The following CNTNAP5 variants were observed in gnomAD, a reference collection of about 807,000 sequenced individuals.
CNTNAP5 encodes contactin-associated protein-like 5.
Under a neutral mutation model 150.2 loss-of-function variants are expected in CNTNAP5, and 72 were observed. That is an observed-to-expected ratio of 0.48 (90% CI 0.40 to 0.58). The LOEUF (loss-of-function observed/expected upper bound fraction) is 0.58, where lower values mean the gene tolerates loss of function less well. CNTNAP5 is among the 20% of genes least tolerant of loss of function. CNTNAP5 has a pLI of 0.00. For synonymous variants in CNTNAP5, 672 were observed against 619.8 expected (o/e 1.08, Z -1.25); for missense variants, 1,636 against 1,626.2 (o/e 1.01, Z -0.10).
chr2:124,382,373 A>G (rs142498752), intron 3 of CNTNAP5, among the ~76,000 whole-genome samples: 109 of 152,250 alleles, frequency 7.2e-4, no homozygotes, highest in Non-Finnish European at 1.4e-3. Flanking sequence ...TGAGGAAGAA[A>G]TATTGGAGAT....
rs138904901 is a variant in CNTNAP5 at position 124,897,326 on chromosome 2, C to G, written c.3437-5556C>G. ...CTCCCTCTACTATAAGATTTATTGC[C>G]TGAAATCTTTGCTGGTCTGCTAAAT... On this transcript the variant is annotated intron_variant, in intron 21 of 23. Transcript: ENST00000682447. Among the ~76,000 whole-genome samples the G allele has an allele frequency of 1.5e-4, 23 of 151,544 alleles. 1 individual carries two copies. Among genetic ancestry groups the G allele is most frequent in the African/African-American group, 5.4e-4 (22 of 40,938 alleles).
intron 1 of CNTNAP5, among the ~76,000 whole-genome samples, chr2:124,199,987 C>T (rs903016779): frequency 1.3e-5 from 2 of 152,114 alleles, no homozygotes; most frequent in Non-Finnish European, 2.9e-5. Flanking sequence ...ACTTTGCTGG[C>T]TCGGACCTCA....
intron 1 of CNTNAP5, among the ~76,000 whole-genome samples, chr2:124,157,133 T>C (rs1183756921): frequency 6.6e-6 from 1 of 151,834 alleles, no homozygotes; most frequent in East Asian, 1.9e-4. Flanking sequence ...TTAAAGTCTT[T>C]GAGGATTCTT....
At chr2:124,395,617 T>C (rs905347689) in intron 3 of CNTNAP5, among the ~76,000 whole-genome samples, 2 of 152,302 alleles carry the variant, frequency 1.3e-5, no homozygotes, top group East Asian at 3.9e-4. Flanking sequence ...TTAACACTTA[T>C]ATAGGTCACA....
At chr2:124,330,008 T>C (rs1353077526) in intron 3 of CNTNAP5, among the ~76,000 whole-genome samples, 1 of 152,186 alleles carries the variant, frequency 6.6e-6, no homozygotes, top group African/African-American at 2.4e-5. Context: ...TATCAGATGT[T>C]CCTGTGAACT....
intron 11 of CNTNAP5, among the ~76,000 whole-genome samples, chr2:124,602,685 A>C (rs896909859): frequency 5.9e-5 from 9 of 152,040 alleles, no homozygotes; most frequent in South Asian, 2.1e-4. Context: ...AAAAACGGGG[A>C]TCTAACTATG....
chr2:124,901,142 C>A (rs973029191), intron 21 of CNTNAP5, among the ~76,000 whole-genome samples: 2 of 151,534 alleles, frequency 1.3e-5, no homozygotes, highest in Non-Finnish European at 2.9e-5. Flanking sequence ...AGTGACACTT[C>A]ACATTATTAT....
chr2:124,914,904 T>C lies in CNTNAP5; in HGVS notation c.*616T>C, dbSNP rs1273017771. 2 of 152,072 alleles carry C rather than the reference T, an allele frequency of 1.3e-5. No individual in the cohort carries two copies. Among genetic ancestry groups the C allele is most frequent in the African/African-American group, 4.8e-5 (2 of 41,394 alleles). 9.4% of individuals were successfully genotyped at this position (152,072 alleles called of 1,614,324 possible). ...TGAGTATTTTCAAATATATGATTGC[T>C]GATAGTAGTGACCAAAACTACTTTG... On this transcript the variant is annotated 3_prime_UTR_variant, in exon 24 of 24. Coordinates refer to ENST00000682447, the MANE Select transcript of CNTNAP5 (RefSeq NM_001367498.1).
In CNTNAP5 at chr2:124,883,178, C is replaced by T. The variant is rs573184853; in HGVS notation, c.3436+13416C>T. Among the ~76,000 whole-genome samples, 6 of 151,680 alleles carry T rather than the reference C, an allele frequency of 4.0e-5. No homozygotes were observed. The Middle Eastern group carries it at 0.014, about 344-fold the overall frequency. The stretch of plus-strand genomic sequence containing the variant: ...CCAGGCTTAAGCAGTCCTCCCACCT[C>T]AGCCTCTCAAGTAGCTGGGAAGACA... On this transcript the variant is annotated intron_variant, in intron 21 of 23. Transcript: ENST00000682447.
In CNTNAP5 at chr2:124,314,037, C is replaced by G. The variant is rs367945637; in HGVS notation, c.381+71644C>G. On this transcript the variant is annotated intron_variant, in intron 3 of 23. Transcript: ENST00000682447. ...TCAAAGTAGCTTTTGATGTGTTGGCCCAACGGGTCTTTTCAGAAATACCGT... is the reference window on the plus strand; with the variant it reads ...TCAAAGTAGCTTTTGATGTGTTGGCGCAACGGGTCTTTTCAGAAATACCGT... Among the ~76,000 whole-genome samples the G allele has an allele frequency of 2.6e-5, 4 of 152,134 alleles. No individual in the cohort carries two copies. In the East Asian group the frequency reaches 7.7e-4, roughly 29 times the overall value.
intron 11 of CNTNAP5, among the ~76,000 whole-genome samples, chr2:124,585,350 T>G (rs968004692): frequency 6.6e-6 from 1 of 152,162 alleles, no homozygotes; most frequent in African/African-American, 2.4e-5. Flanking sequence ...TAAACTACCC[T>G]TAGTTCAGAA....
At chr2:124,678,892 T>A (rs546353866) in intron 13 of CNTNAP5, among the ~76,000 whole-genome samples, 2 of 152,086 alleles carry the variant, frequency 1.3e-5, no homozygotes, top group South Asian at 2.1e-4. Context: ...TGCATCCTTG[T>A]GGCTTAGCAC....
intron 11 of CNTNAP5, among the ~76,000 whole-genome samples, chr2:124,600,916 A>G (rs535858539): frequency 1.9e-3 from 296 of 152,328 alleles, no homozygotes; most frequent in Non-Finnish European, 2.7e-3. Flanking sequence ...AATCCAAGAA[A>G]CAAACAAATC....
intron 1 of CNTNAP5, among the ~76,000 whole-genome samples, chr2:124,155,196 G>A (rs1326677995): frequency 6.7e-6 from 1 of 148,838 alleles, no homozygotes; most frequent in Non-Finnish European, 1.5e-5. Context: ...TTGGAAAAAT[G>A]CAAAATGAGT....
chr2:124,172,863 T>A (rs1402216977), intron 1 of CNTNAP5, among the ~76,000 whole-genome samples: 1 of 152,120 alleles, frequency 6.6e-6, no homozygotes, highest in Non-Finnish European at 1.5e-5. Flanking sequence ...GCACCTCACT[T>A]TTTTGCACTC....
intron 8 of CNTNAP5, among the ~76,000 whole-genome samples, chr2:124,509,765 C>T (rs532222060): frequency 2.8e-4 from 43 of 152,250 alleles, no homozygotes; most frequent in African/African-American, 9.9e-4. Flanking sequence ...AGATAATCTA[C>T]AGAAGACTCT....
Position 124,084,924 on chromosome 2 carries a change from G to GTTTTTTTTTTTTTTTTTTT in CNTNAP5, c.82+59207_82+59208insTTTTTTTTTTTTTTTTTTT. On this transcript the variant is annotated intron_variant, in intron 1 of 23. Transcript: ENST00000682447. ...TAAAAATTATGAATTCAAGTTTCCT[G>GTTTTTTTTTTTTTTTTTTT]TTTTTTTTTTTTTTTGAGACGGAGT... Among the ~76,000 whole-genome samples the GTTTTTTTTTTTTTTTTTTT allele has an allele frequency of 1.1e-3, 103 of 89,990 alleles. 11 individuals carry two copies. Among genetic ancestry groups the GTTTTTTTTTTTTTTTTTTT allele is most frequent in the Middle Eastern group, 0.016 (1 of 62 alleles). 59.0% of individuals were successfully genotyped at this position (89,990 alleles called of 152,430 possible).
chr2:124,170,300 CA>C (rs1461434010), intron 1 of CNTNAP5, among the ~76,000 whole-genome samples: 2 of 151,682 alleles, frequency 1.3e-5, no homozygotes, highest in African/African-American at 4.8e-5. Flanking sequence ...ACTTCTGCTT[CA>C]GTCACTGACA....
chr2:124,701,331 C>T (rs1679516788), intron 13 of CNTNAP5, among the ~76,000 whole-genome samples: 1 of 152,072 alleles, frequency 6.6e-6, no homozygotes, highest in Admixed American at 6.6e-5. Flanking sequence ...CCATGCTCAT[C>T]TATGTTGTGA....
Sources: gnomAD v4.1 joint callset for allele counts (sites outside exome capture counted in the v4.1 genomes callset) on GRCh38, gnomAD v4.1.1 for gene constraint, MANE v1.5 for transcripts, NCBI Gene and HGNC (gene_info 2026-07-23, HGNC 2026-07-21) for gene names.